Variants in PCDH15 observed in about 807,000 individuals in gnomAD.
PCDH15 encodes the protein protocadherin-15.
Under a neutral mutation model 178.5 loss-of-function variants are expected in PCDH15, and 129 were observed. The ratio of observed to expected loss-of-function variants is 0.72; its 90% CI spans 0.63 to 0.84. PCDH15 has a LOEUF of 0.84. Among genes scored for constraint, PCDH15 ranks in the 40% least tolerant of loss-of-function variants. The pLI, the probability that PCDH15 is intolerant of heterozygous loss-of-function variation, is 0.00. For missense variants in PCDH15, 2,230 were observed against 2,099.9 expected (o/e 1.06, Z -1.21); for synonymous variants, 800 against 732.0 (o/e 1.09, Z -1.50).
intron 3 of PCDH15, among the ~76,000 whole-genome samples, chr10:54,869,754 A>T (rs879927137): frequency 1.3e-5 from 2 of 152,238 alleles, no homozygotes; most frequent in African/African-American, 2.4e-5. Flanking sequence ...ACTCTACAAG[A>T]GTGATCCCAA....
At chr10:53,880,400 C>A (rs1273593421) in intron 26 of PCDH15, among the ~76,000 whole-genome samples, 1 of 152,164 alleles carries the variant, frequency 6.6e-6, no homozygotes, top group Non-Finnish European at 1.5e-5. Context: ...AATGAACTTA[C>A]TGTAACATGA....
rs111427261 is a variant in PCDH15 at position 53,854,655 on chromosome 10, G to A, written c.3806+2520C>T. On this transcript the variant is annotated intron_variant, in intron 28 of 37. Coordinates refer to ENST00000644397, the MANE Select transcript of PCDH15 (RefSeq NM_001384140.1). ...TTACCAAATGCTTAATAAATAAAAT[G>A]TACAAAACTCCTAGCCACTCTCCAC... 5.3e-3 allele frequency among the ~76,000 whole-genome samples: 801 copies of A among 151,974 alleles called. 9 individuals carry two copies. Among genetic ancestry groups the A allele is most frequent in the African/African-American group, 0.018 (751 of 41,512 alleles).
At chr10:54,444,836 G>C (rs767675465) in intron 3 of PCDH15, among the ~76,000 whole-genome samples, 14 of 151,488 alleles carry the variant, frequency 9.2e-5, no homozygotes, top group Non-Finnish European at 1.8e-4. Context: ...AACTCTGGCA[G>C]CAAGATTAGC....
At chr10:54,292,763 A>T (rs898328503) in intron 8 of PCDH15, among the ~76,000 whole-genome samples, 2 of 152,036 alleles carry the variant, frequency 1.3e-5, no homozygotes, top group African/African-American at 4.8e-5. Context: ...CATACAAGGG[A>T]TGTGAGGGAC....
intron 2 of PCDH15, among the ~76,000 whole-genome samples, chr10:55,000,937 G>T (rs1391069368): frequency 6.6e-6 from 1 of 152,066 alleles, no homozygotes; most frequent in East Asian, 1.9e-4. Context: ...CCCATTTGTG[G>T]TCACCCATGG....
chr10:55,450,028 A>C (rs1317900020), intron 2 of PCDH15, among the ~76,000 whole-genome samples: 3 of 151,810 alleles, frequency 2.0e-5, no homozygotes, highest in African/African-American at 7.3e-5. Flanking sequence ...ACATGGCTTA[A>C]AGCATTTTTT....
intron 2 of PCDH15, among the ~76,000 whole-genome samples, chr10:55,042,409 AGAG>A (rs1840886504): frequency 6.6e-6 from 1 of 152,140 alleles, no homozygotes; most frequent in Non-Finnish European, 1.5e-5. Flanking sequence ...GTGGTATTGG[AGAG>A]GAGATGAAGT....
intron 2 of PCDH15, among the ~76,000 whole-genome samples, chr10:55,538,999 C>T (rs1841695279): frequency 7.1e-6 from 1 of 140,220 alleles, no homozygotes; most frequent in Non-Finnish European, 1.6e-5. Flanking sequence ...TTCCTCCTTT[C>T]CTTCCCTCCT....
At chr10:54,607,898 T>C (rs1330282349) in intron 2 of PCDH15, 8 of 527,694 alleles carry the variant, frequency 1.5e-5, no homozygotes, top group South Asian at 2.8e-5. Flanking sequence ...CAAAAGTAAT[T>C]ACAGTTTTTG....
rs1307081412 is a variant in PCDH15 at position 55,159,839 on chromosome 10, C to T, written c.-80+6737G>A. Among the ~76,000 whole-genome samples, 4 of 149,060 alleles carry T rather than the reference C, an allele frequency of 2.7e-5. No homozygotes were observed. In the East Asian group the frequency reaches 7.8e-4, roughly 29 times the overall value. ...ACATATATATTACATCTTTGTTTAT[C>T]CTTTTGCAAACGACGGTTTTTTTTT... is the stretch of plus-strand genomic sequence containing the variant. On this transcript the variant is annotated intron_variant, in intron 2 of 5. Coordinates refer to the PCDH15 transcript ENST00000458638.
intron 25 of PCDH15, among the ~76,000 whole-genome samples, chr10:53,927,549 T>C (rs1361800705): frequency 2.6e-5 from 4 of 152,132 alleles, no homozygotes; most frequent in African/African-American, 9.7e-5. Context: ...TGATCTTTTA[T>C]ATAAACGATA....
intron 13 of PCDH15, among the ~76,000 whole-genome samples, chr10:54,157,605 C>T (rs1302565735): frequency 6.6e-6 from 1 of 152,156 alleles, no homozygotes; most frequent in East Asian, 1.9e-4. Context: ...AGATATTTTC[C>T]CCATTGTCTT....
rs539274385 is a variant in PCDH15, at chr10:54,871,758, T to C, written c.-29+25692A>G. Among the ~76,000 whole-genome samples, 191 of 152,198 alleles carry C rather than the reference T, an allele frequency of 1.3e-3. 1 individual carries two copies. Among genetic ancestry groups the C allele is most frequent in the Non-Finnish European group, 1.9e-3 (128 of 67,972 alleles). ...TGTTCATAATTTTTACTAAATATTGTCATCCTTAGAAAGATTAAACAGTTA... is the reference window on the plus strand; with the variant it reads ...TGTTCATAATTTTTACTAAATATTGCCATCCTTAGAAAGATTAAACAGTTA... On this transcript the variant is annotated intron_variant, in intron 3 of 5. Coordinates refer to the PCDH15 transcript ENST00000458638.
intron 1 of PCDH15, among the ~76,000 whole-genome samples, chr10:55,274,598 A>G (rs966137773): frequency 6.6e-6 from 1 of 152,060 alleles, no homozygotes; most frequent in African/African-American, 2.4e-5. Flanking sequence ...CTTAGTCATC[A>G]CTAAAACTAA....
chr10:53,864,636 C>T (rs776458759), intron 27 of PCDH15, among the ~76,000 whole-genome samples: 14 of 152,022 alleles, frequency 9.2e-5, no homozygotes, highest in Non-Finnish European at 1.6e-4. Flanking sequence ...TGTAACCAGG[C>T]CCTTGAGTCA....
intron 1 of PCDH15, among the ~76,000 whole-genome samples, chr10:54,667,736 C>A (rs1030396119): frequency 2.6e-5 from 4 of 152,030 alleles, no homozygotes; most frequent in African/African-American, 9.6e-5. Context: ...ATGTTATGTT[C>A]TAAAAATCCA....
At chr10:54,203,941 A>G (rs2050515275) in intron 10 of PCDH15, among the ~76,000 whole-genome samples, 1 of 152,198 alleles carries the variant, frequency 6.6e-6, no homozygotes, top group South Asian at 2.1e-4. Flanking sequence ...CTGGAGGGCT[A>G]AATTATATAT....
At chr10:55,621,212 A>G (rs1564487871) in intron 2 of PCDH15, among the ~76,000 whole-genome samples, 1 of 152,194 alleles carries the variant, frequency 6.6e-6, no homozygotes, top group Non-Finnish European at 1.5e-5. Context: ...GAAGAAATAA[A>G]AACTGGAAAA....
intron 1 of PCDH15, among the ~76,000 whole-genome samples, chr10:54,754,460 C>T (rs1946790334): frequency 6.6e-6 from 1 of 151,968 alleles, no homozygotes; most frequent in Admixed American, 6.6e-5. Context: ...CTTATTAAGC[C>T]TTGGTAGATT....
Sources: allele counts gnomAD v4.1 joint callset (sites outside exome capture counted in the v4.1 genomes callset), GRCh38; gene constraint gnomAD v4.1.1; transcripts MANE v1.5; gene names NCBI Gene and HGNC (gene_info 2026-07-23, HGNC 2026-07-21).